The following QRICH1 variants were observed in gnomAD, a reference collection of about 807,000 sequenced individuals.
The protein encoded by QRICH1 is glutamine rich 1.
In QRICH1, 16 loss-of-function variants were observed where a neutral mutation model predicts 87.1. The ratio of observed to expected loss-of-function variants is 0.18; its 90% CI spans 0.12 to 0.28. QRICH1 has a LOEUF of 0.28. Ranked by LOEUF, QRICH1 falls within the 10% of genes least tolerant of loss-of-function variation. The pLI, the probability that QRICH1 is intolerant of heterozygous loss-of-function variation, is 1.00. For synonymous variants in QRICH1, 367 were observed against 368.4 expected (o/e 1.00, Z 0.05); for missense variants, 647 against 951.7 (o/e 0.68, Z 4.21).
chr3:49,068,484 T>G (rs2093481128), intron 2 of QRICH1, among the ~76,000 whole-genome samples: 1 of 145,570 alleles, frequency 6.9e-6, no homozygotes. Flanking sequence ...AAAAAAAAAT[T>G]AGTTGGGCGT....
Position 49,057,125 on chromosome 3 carries a change from CCTT to C in QRICH1, c.1072_1074del (p.Lys358del), listed in dbSNP as rs1462782355. 1.9e-6 allele frequency: 3 copies of C among 1,614,084 alleles called. No individual in the cohort carries two copies. The highest frequency in any genetic ancestry group is 1.1e-5 in the South Asian group (1 of 91,094). ...ACAGATGTGGTGCCCACCATCTTCT[CCTT>C]GTCATCCTCCAGCTTAACAGCTGCC... is the stretch of plus-strand genomic sequence containing the variant. On this transcript the variant is annotated inframe_deletion, in exon 3 of 10. Coordinates refer to ENST00000395443, the MANE Select transcript of QRICH1 (RefSeq NM_198880.3). The surrounding 1 kb of genome is among the most constrained non-coding windows in gnomAD (Gnocchi z 5.4).
chr3:49,080,879 A>T (rs2042044666), intron 1 of QRICH1, among the ~76,000 whole-genome samples: 1 of 148,592 alleles, frequency 6.7e-6, no homozygotes. Flanking sequence ...TAAAATAAAA[A>T]GTAAAAACAG....
At chr3:49,043,977 A>G (rs1407454702) in intron 6 of QRICH1, among the ~76,000 whole-genome samples, 1 of 152,202 alleles carries the variant, frequency 6.6e-6, no homozygotes, top group African/African-American at 2.4e-5. Flanking sequence ...ATGTTTTTTT[A>G]AGAACAAACA....
chr3:49,039,319 T>C (rs1167835341), intron 6 of QRICH1, among the ~76,000 whole-genome samples: 3 of 152,004 alleles, frequency 2.0e-5, no homozygotes, highest in Non-Finnish European at 2.9e-5. Flanking sequence ...ATCGTGTCAT[T>C]GCGCTCCAGC....
intron 3 of QRICH1, among the ~76,000 whole-genome samples, chr3:49,048,792 A>C (rs2093353528): frequency 6.6e-6 from 1 of 150,648 alleles, no homozygotes; most frequent in Non-Finnish European, 1.5e-5. Context: ...TGTTCACAAA[A>C]AAAAAAACCA....
At chr3:49,082,326 A>C (rs1217558089) in intron 1 of QRICH1, among the ~76,000 whole-genome samples, 1 of 152,192 alleles carries the variant, frequency 6.6e-6, no homozygotes, top group African/African-American at 2.4e-5. Flanking sequence ...TTTCATACCA[A>C]AGTCCAGAAC....
chr3:49,064,126 T>C (rs1167201165), intron 2 of QRICH1, among the ~76,000 whole-genome samples: 5 of 151,968 alleles, frequency 3.3e-5, no homozygotes, highest in Non-Finnish European at 5.9e-5. Context: ...AGATGGAGTT[T>C]CTCCATGTTG....
chr3:49,038,350 T>C (rs2106832056), intron 6 of QRICH1, among the ~76,000 whole-genome samples: 1 of 152,206 alleles, frequency 6.6e-6, no homozygotes, highest in African/African-American at 2.4e-5. Context: ...CATGAGCCAC[T>C]GCGCCCAGCC....
chr3:49,060,394 C>T (rs1237302689), intron 2 of QRICH1, among the ~76,000 whole-genome samples: 2 of 151,952 alleles, frequency 1.3e-5, no homozygotes, highest in Non-Finnish European at 2.9e-5. Context: ...AGGGTTTCAC[C>T]GTGTTAGCCA....
At chr3:49,081,526 G>C (rs762654574) in intron 1 of QRICH1, among the ~76,000 whole-genome samples, 2 of 152,120 alleles carry the variant, frequency 1.3e-5, no homozygotes, top group Non-Finnish European at 2.9e-5. Flanking sequence ...CTTTAGACAA[G>C]GTCTTATTCT....
At chr3:49,058,984 C>T (rs1184809004) in intron 2 of QRICH1, among the ~76,000 whole-genome samples, 5 of 124,042 alleles carry the variant, frequency 4.0e-5, no homozygotes, top group South Asian at 2.6e-4. Context: ...TTTTTTGAGA[C>T]GGAGTCTCGC....
At chr3:49,038,342 T>G (rs2093288384) in intron 6 of QRICH1, among the ~76,000 whole-genome samples, 1 of 152,144 alleles carries the variant, frequency 6.6e-6, no homozygotes, top group South Asian at 2.1e-4. Flanking sequence ...ATTACAAGCA[T>G]GAGCCACTGC....
At chr3:49,080,566 G>T (rs1017719185) in intron 1 of QRICH1, among the ~76,000 whole-genome samples, 1 of 151,794 alleles carries the variant, frequency 6.6e-6, no homozygotes, top group East Asian at 1.9e-4. Context: ...AAAAACCTTC[G>T]TGACTATTGC....
chr3:49,077,622 A>AT (rs2041974927), intron 1 of QRICH1, among the ~76,000 whole-genome samples: 1 of 152,334 alleles, frequency 6.6e-6, no homozygotes, highest in African/African-American at 2.4e-5. Context: ...GGTTAAAAGC[A>AT]TGGACTCTGG....
At chr3:49,034,006 A>C (rs1025175655) in intron 6 of QRICH1, among the ~76,000 whole-genome samples, 11 of 151,772 alleles carry the variant, frequency 7.2e-5, no homozygotes, top group Non-Finnish European at 1.5e-5. Flanking sequence ...AAAAACAAAA[A>C]AACAAAAAAA....
intron 6 of QRICH1, chr3:49,033,859 C>G (rs1051267412): frequency 2.6e-5 from 4 of 152,090 alleles, no homozygotes; most frequent in African/African-American, 9.7e-5. Flanking sequence ...TGGTGGCGGG[C>G]TCCTGTAGTC....
intron 6 of QRICH1, among the ~76,000 whole-genome samples, chr3:49,037,043 C>A (rs1394650071): frequency 6.9e-6 from 1 of 144,082 alleles, no homozygotes; most frequent in Non-Finnish European, 1.5e-5. Context: ...TGCAATCCAG[C>A]CTGGGTGATA....
intron 1 of QRICH1, among the ~76,000 whole-genome samples, chr3:49,079,500 ATAAT>A (rs2042018108): frequency 1.4e-5 from 2 of 148,050 alleles, no homozygotes; most frequent in Admixed American, 6.8e-5. Context: ...TATAATTATA[ATAAT>A]TAAATATTAT....
At chr3:49,084,741 G>A (rs1320480384) in intron 1 of QRICH1, among the ~76,000 whole-genome samples, 6 of 151,958 alleles carry the variant, frequency 3.9e-5, no homozygotes, top group Non-Finnish European at 8.8e-5. Context: ...TTCAGCCTGG[G>A]GAAAGAGTGA....
Sources: allele counts gnomAD v4.1 joint callset (sites outside exome capture counted in the v4.1 genomes callset), GRCh38; gene constraint gnomAD v4.1.1; non-coding constraint Gnocchi (gnomAD v3.1); transcripts MANE v1.5; gene names NCBI Gene and HGNC (gene_info 2026-07-23, HGNC 2026-07-21).